Variants in BTBD9 observed in about 807,000 individuals in gnomAD.
BTBD9 encodes BTB/POZ domain-containing protein 9.
In BTBD9, 49 loss-of-function variants were observed where a neutral mutation model predicts 64.3. The ratio of observed to expected loss-of-function variants is 0.76; its 90% CI spans 0.61 to 0.97. BTBD9 has a LOEUF of 0.97. Among genes scored for constraint, BTBD9 ranks in the 50% least tolerant of loss-of-function variants. The pLI, the probability that BTBD9 is intolerant of heterozygous loss-of-function variation, is 0.00. For synonymous variants in BTBD9, 260 were observed against 274.7 expected, an observed-to-expected ratio of 0.95 and a Z score of 0.53; for missense variants, 598 against 762.1, an observed-to-expected ratio of 0.78 and a Z score of 2.53.
intron 6 of BTBD9, among the ~76,000 whole-genome samples, chr6:38,525,008 A>G (rs142968299): frequency 6.6e-6 from 1 of 152,232 alleles, no homozygotes; most frequent in East Asian, 1.9e-4. Flanking sequence ...TTTATTTAAG[A>G]CTGACATAGG....
chr6:38,373,386 C>A (rs1393548304), intron 6 of BTBD9, among the ~76,000 whole-genome samples: 4 of 152,160 alleles, frequency 2.6e-5, no homozygotes, highest in South Asian at 4.1e-4. Context: ...ATGATTAAAT[C>A]ATCTCTGTAT....
At chr6:38,533,481 A>C (rs1773886034) in intron 6 of BTBD9, among the ~76,000 whole-genome samples, 1 of 152,164 alleles carries the variant, frequency 6.6e-6, no homozygotes, top group South Asian at 2.1e-4. Context: ...CCCCGCATCC[A>C]ACAATGAACA....
chr6:38,260,309 C>T (rs1316545621), intron 8 of BTBD9, among the ~76,000 whole-genome samples: 1 of 152,122 alleles, frequency 6.6e-6, no homozygotes, highest in Non-Finnish European at 1.5e-5. Context: ...GTTACCATAA[C>T]TGTTGTTGGA....
At chr6:38,346,881 A>C (rs1199609173) in intron 6 of BTBD9, among the ~76,000 whole-genome samples, 1 of 152,052 alleles carries the variant, frequency 6.6e-6, no homozygotes. Flanking sequence ...GAATAGAGGG[A>C]ATGTGGTTTA....
intron 6 of BTBD9, among the ~76,000 whole-genome samples, chr6:38,456,012 CT>C (rs1769788417): frequency 6.6e-6 from 1 of 150,506 alleles, no homozygotes; most frequent in African/African-American, 2.4e-5. Flanking sequence ...GAGACAGAGT[CT>C]TGCTCTGTAG....
chr6:38,601,196 T>C (rs1418101396), intron 1 of BTBD9, among the ~76,000 whole-genome samples: 3 of 152,208 alleles, frequency 2.0e-5, no homozygotes. Context: ...CTCTATATTG[T>C]TGTAGGTTTC....
intron 7 of BTBD9, among the ~76,000 whole-genome samples, chr6:38,305,631 G>A (rs1485589242): frequency 1.3e-5 from 2 of 152,048 alleles, no homozygotes; most frequent in Admixed American, 6.6e-5. Flanking sequence ...ACAGATGCAC[G>A]CCACCACACC....
intron 6 of BTBD9, among the ~76,000 whole-genome samples, chr6:38,380,081 A>T (rs1309164755): frequency 1.3e-5 from 2 of 152,190 alleles, no homozygotes; most frequent in Non-Finnish European, 2.9e-5. Context: ...TTTGTTATAT[A>T]CTATATGCTC....
chr6:38,243,699 GA>G (rs1764087393), intron 9 of BTBD9, among the ~76,000 whole-genome samples: 1 of 152,152 alleles, frequency 6.6e-6, no homozygotes, highest in Admixed American at 6.5e-5. Flanking sequence ...CAAAGGAGTG[GA>G]GCTGCTTTAT....
chr6:38,297,096 G>A lies in BTBD9; in HGVS notation c.1265-8635C>T, dbSNP rs139371507. On this transcript the variant is annotated intron_variant, in intron 7 of 10. Coordinates refer to ENST00000481247, the MANE Select transcript of BTBD9 (RefSeq NM_001099272.2). ...GTTAAAATCTCCTGCGGTCAGGCGC[G>A]GTGGCTCACGCCTGTAATCCCAGCA... Among the ~76,000 whole-genome samples the A allele has an allele frequency of 7.2e-5, 11 of 152,242 alleles. No individual in the cohort carries two copies. In the East Asian group the frequency reaches 1.5e-3, roughly 21 times the overall value.
chr6:38,374,310 T>TATATATATAC (rs1765582384), intron 6 of BTBD9, among the ~76,000 whole-genome samples: 5 of 102,844 alleles, frequency 4.9e-5, no homozygotes, highest in East Asian at 2.3e-4. Context: ...TATATATGTA[T>TATATATATAC]ATATATATAT....
chr6:38,504,281 C>T (rs1033926850), intron 6 of BTBD9, among the ~76,000 whole-genome samples: 14 of 152,216 alleles, frequency 9.2e-5, no homozygotes, highest in East Asian at 3.8e-4. Context: ...ACTACACTCC[C>T]GCTCCTACTT....
At chr6:38,274,262 G>T (rs1040222316) in intron 8 of BTBD9, among the ~76,000 whole-genome samples, 3 of 152,172 alleles carry the variant, frequency 2.0e-5, no homozygotes, top group African/African-American at 4.8e-5. Context: ...TTGCTTATCA[G>T]CTTAAGGAGA....
At chr6:38,609,137 G>A (rs1777528130) in intron 1 of BTBD9, among the ~76,000 whole-genome samples, 3 of 152,084 alleles carry the variant, frequency 2.0e-5, no homozygotes, top group African/African-American at 7.2e-5. Context: ...TTCATTTTAG[G>A]AACAGAAAAA....
intron 9 of BTBD9, among the ~76,000 whole-genome samples, chr6:38,237,302 A>G (rs1763810016): frequency 6.6e-6 from 1 of 152,186 alleles, no homozygotes; most frequent in African/African-American, 2.4e-5. Context: ...AGCTCCACAT[A>G]GAGAGGGGAT....
intron 1 of BTBD9, among the ~76,000 whole-genome samples, chr6:38,632,910 C>A (rs1253876919): frequency 6.6e-6 from 1 of 151,804 alleles, no homozygotes; most frequent in East Asian, 1.9e-4. Context: ...CTAGTCTGGG[C>A]AAGAGAGCCA....
At chr6:38,639,320 G>T (rs1014145528) in intron 1 of BTBD9, among the ~76,000 whole-genome samples, 3 of 152,154 alleles carry the variant, frequency 2.0e-5, no homozygotes, top group Admixed American at 6.5e-5. Flanking sequence ...GATGCCGCAC[G>T]CAGGCACTGA....
intron 6 of BTBD9, among the ~76,000 whole-genome samples, chr6:38,457,747 T>TA (rs1242910094): frequency 2.0e-5 from 3 of 151,982 alleles, no homozygotes; most frequent in Non-Finnish European, 4.4e-5. Context: ...AAGGAGAGTA[T>TA]AAGTAGAGAA....
chr6:38,251,559 C>A (rs1192127403), intron 9 of BTBD9, among the ~76,000 whole-genome samples: 2 of 152,062 alleles, frequency 1.3e-5, no homozygotes, highest in Admixed American at 6.5e-5. Context: ...GCCATTGCGG[C>A]CAGGCTGCTT....
Sources: gnomAD v4.1 joint callset for allele counts (sites outside exome capture counted in the v4.1 genomes callset) on GRCh38, gnomAD v4.1.1 for gene constraint, MANE v1.5 for transcripts, NCBI Gene and HGNC (gene_info 2026-07-23, HGNC 2026-07-21) for gene names.